Variants in SUPT3H observed in about 807,000 individuals in gnomAD.
SUPT3H encodes SPT3 homolog, SAGA and STAGA complex component.
In SUPT3H, 44 loss-of-function variants were observed where a neutral mutation model predicts 44.3. The observed-to-expected ratio is 0.99, with a 90% CI of 0.78 to 1.28. The LOEUF (loss-of-function observed/expected upper bound fraction) is 1.28, where lower values mean the gene tolerates loss of function less well. Among genes scored for constraint, SUPT3H ranks in the 50% most tolerant of loss-of-function variants. SUPT3H has a pLI of 0.00. For synonymous variants in SUPT3H, 124 were observed against 125.6 expected (o/e 0.99, Z 0.09); for missense variants, 380 against 387.1 (o/e 0.98, Z 0.15).
chr6:44,926,920 A>C (rs1327293510), intron 10 of SUPT3H, among the ~76,000 whole-genome samples: 1 of 152,186 alleles, frequency 6.6e-6, no homozygotes, highest in African/African-American at 2.4e-5. Flanking sequence ...ACAATTATGA[A>C]GTCATTCATG....
chr6:45,285,739 A>G (rs1312557225), intron 2 of SUPT3H, among the ~76,000 whole-genome samples: 1 of 152,164 alleles, frequency 6.6e-6, no homozygotes, highest in Non-Finnish European at 1.5e-5. Context: ...ATTGGAAAAA[A>G]CTACTTTAAA....
At chr6:45,083,872 C>T (rs910992392) in intron 3 of SUPT3H, among the ~76,000 whole-genome samples, 8 of 152,074 alleles carry the variant, frequency 5.3e-5, no homozygotes, top group African/African-American at 1.7e-4. Context: ...TAAATGGTGC[C>T]GGGATAACTG....
intron 2 of SUPT3H, among the ~76,000 whole-genome samples, chr6:45,231,408 A>C (rs1768022979): frequency 6.6e-6 from 1 of 152,194 alleles, no homozygotes; most frequent in Non-Finnish European, 1.5e-5. Flanking sequence ...GAGCACATTA[A>C]ATATATCCTC....
chr6:44,900,624 G>T (rs189206024), intron 10 of SUPT3H, among the ~76,000 whole-genome samples: 4 of 152,338 alleles, frequency 2.6e-5, no homozygotes, highest in African/African-American at 9.6e-5. Flanking sequence ...AAAGGCAGCA[G>T]AATCCTCTGC....
chr6:45,194,742 A>G (rs186417157), intron 2 of SUPT3H, among the ~76,000 whole-genome samples: 59 of 152,112 alleles, frequency 3.9e-4, no homozygotes, highest in African/African-American at 1.3e-3. Context: ...TGTCATTGCA[A>G]TAGAAAAAAA....
intron 9 of SUPT3H, among the ~76,000 whole-genome samples, chr6:44,953,025 C>T (rs2153473591): frequency 6.6e-6 from 1 of 152,116 alleles, no homozygotes; most frequent in Admixed American, 6.5e-5. Flanking sequence ...TTTTCATCTC[C>T]CATAAAAATA....
intron 3 of SUPT3H, among the ~76,000 whole-genome samples, chr6:45,043,286 A>G (rs1454329052): frequency 6.6e-6 from 1 of 152,192 alleles, no homozygotes; most frequent in Admixed American, 6.5e-5. Flanking sequence ...GAAATGACAA[A>G]TGCACACAAA....
At chr6:45,118,681 G>C (rs749209806) in intron 2 of SUPT3H, among the ~76,000 whole-genome samples, 5 of 152,032 alleles carry the variant, frequency 3.3e-5, no homozygotes, top group Non-Finnish European at 7.4e-5. Context: ...AACTTAGTTC[G>C]AGGGGTACGA....
chr6:45,211,085 C>T (rs1223509508), intron 2 of SUPT3H, among the ~76,000 whole-genome samples: 1 of 152,110 alleles, frequency 6.6e-6, no homozygotes, highest in Non-Finnish European at 1.5e-5. Context: ...CATTTTATTA[C>T]ACTTCCATTT....
rs368747721 is a variant in SUPT3H, at chr6:44,974,655, T to A, written c.505-12827A>T. ...GACCTTTTAAAAATGCAAATCATGC[T>A]GTGTCATTTCTATCAAAACCCTCCT... is the stretch of plus-strand genomic sequence containing the variant. On this transcript the variant is annotated intron_variant, in intron 6 of 10. Transcript: ENST00000371459. Among the ~76,000 whole-genome samples, 15 of 152,322 alleles carry A rather than the reference T, an allele frequency of 9.8e-5. No individual in the cohort carries two copies. The East Asian group carries it at 2.9e-3, about 29-fold the overall frequency.
intron 2 of SUPT3H, among the ~76,000 whole-genome samples, chr6:45,286,096 C>A (rs967130217): frequency 2.7e-5 from 4 of 150,784 alleles, no homozygotes; most frequent in African/African-American, 9.8e-5. Context: ...AAAATTAATT[C>A]AAGATGGATT....
intron 7 of SUPT3H, among the ~76,000 whole-genome samples, chr6:44,958,728 T>C (rs1201392932): frequency 6.6e-6 from 1 of 151,992 alleles, no homozygotes; most frequent in Admixed American, 6.6e-5. Flanking sequence ...CAGCTTACCA[T>C]TTCCTACCCA....
At chr6:45,313,803 T>A (rs1400267390) in intron 2 of SUPT3H, among the ~76,000 whole-genome samples, 1 of 151,846 alleles carries the variant, frequency 6.6e-6, no homozygotes, top group Admixed American at 6.5e-5. Flanking sequence ...GAAGCCAGCG[T>A]CACCCTAATA....
At chr6:45,209,137 T>C (rs181159842) in intron 2 of SUPT3H, among the ~76,000 whole-genome samples, 25 of 152,308 alleles carry the variant, frequency 1.6e-4, no homozygotes, top group African/African-American at 5.8e-4. Context: ...TCATTGACAA[T>C]GTACCTGGTC....
At chr6:45,012,482 C>T (rs1471901920) in intron 5 of SUPT3H, among the ~76,000 whole-genome samples, 3 of 152,070 alleles carry the variant, frequency 2.0e-5, no homozygotes, top group Admixed American at 6.6e-5. Flanking sequence ...TATTCTTGAA[C>T]TCCGTAATTT....
At chr6:44,826,171 C>CATCA (rs1234044557), downstream of SUPT3H, among the ~76,000 whole-genome samples, 1 of 152,142 alleles carries the variant, frequency 6.6e-6, no homozygotes, top group Non-Finnish European at 1.5e-5. Context: ...CTTATTTAAC[C>CATCA]ATCACATTTA....
chr6:45,277,447 T>C (rs932903276), intron 2 of SUPT3H, among the ~76,000 whole-genome samples: 7 of 152,168 alleles, frequency 4.6e-5, no homozygotes, highest in African/African-American at 1.7e-4. Flanking sequence ...CCAGTGAAAA[T>C]AGATGACAAT....
intron 2 of SUPT3H, among the ~76,000 whole-genome samples, chr6:45,350,210 C>T (rs142689517): frequency 3.3e-5 from 5 of 152,258 alleles, no homozygotes; most frequent in Non-Finnish European, 7.4e-5. Context: ...TTATTCACTG[C>T]TATATCTCCA....
chr6:45,073,200 A>G (rs1274109360), intron 3 of SUPT3H, among the ~76,000 whole-genome samples: 1 of 152,048 alleles, frequency 6.6e-6, no homozygotes, highest in Non-Finnish European at 1.5e-5. Flanking sequence ...GTGTCTATAT[A>G]ACTCAAACAA....
Sources: gnomAD v4.1 joint callset for allele counts (sites outside exome capture counted in the v4.1 genomes callset) on GRCh38, gnomAD v4.1.1 for gene constraint, MANE v1.5 for transcripts, NCBI Gene and HGNC (gene_info 2026-07-23, HGNC 2026-07-21) for gene names.